The following CNOT4 variants were observed in gnomAD, a reference collection of about 807,000 sequenced individuals.
CNOT4 encodes the protein CCR4-associated factor 4.
CNOT4 carries 8 observed loss-of-function variants against 73.8 expected under a neutral mutation model. The ratio of observed to expected loss-of-function variants is 0.11; its 90% CI spans 0.06 to 0.20. The LOEUF is 0.20. Ranked by LOEUF, CNOT4 falls within the 10% of genes least tolerant of loss-of-function variation. The probability of loss-of-function intolerance (pLI) is 1.00; values close to 1 mark genes in which losing one functional copy is unlikely to be tolerated. For missense variants in CNOT4, 564 were observed against 883.4 expected (o/e 0.64, Z 4.58); for synonymous variants, 293 against 321.1 (o/e 0.91, Z 0.94).
intron 1 of CNOT4, among the ~76,000 whole-genome samples, chr7:135,464,767 AAAT>A (rs1334588253): frequency 2.0e-5 from 3 of 151,814 alleles, no homozygotes; most frequent in Admixed American, 6.6e-5. Context: ...TAAAAATAAA[AAAT>A]AAAATAATTT....
intron 1 of CNOT4, among the ~76,000 whole-genome samples, chr7:135,466,120 G>A (rs1187629771): frequency 6.6e-6 from 1 of 151,564 alleles, no homozygotes; most frequent in Non-Finnish European, 1.5e-5. Flanking sequence ...AGAAAAATTT[G>A]TAAATATGTA....
intron 3 of CNOT4, among the ~76,000 whole-genome samples, chr7:135,416,040 T>C (rs1797855924): frequency 6.6e-6 from 1 of 152,274 alleles, no homozygotes; most frequent in Non-Finnish European, 1.5e-5. Flanking sequence ...TTGACCGGTA[T>C]GTAACTTGAT....
rs1585699048 is a variant in CNOT4 at position 135,472,524 on chromosome 7, T to A, written c.-92-34101A>T. 2.9e-4 allele frequency among the ~76,000 whole-genome samples: 8 copies of A among 28,064 alleles called. 1 individual carries two copies. Among genetic ancestry groups the A allele is most frequent in the African/African-American group, 1.1e-3 (5 of 4,586 alleles). 18.4% of individuals were successfully genotyped at this position (28,064 alleles called of 152,430 possible). A position where few individuals can be genotyped will look rare whatever the true frequency, so the allele number is the denominator to read the frequency against. ...AAAAAAAAAAAAAAAAATATATATA[T>A]ATATATATATATATATATATATATA... On this transcript the variant is annotated intron_variant, in intron 1 of 11. Transcript: ENST00000541284.
Position 135,431,020 on chromosome 7 carries a change from T to C in CNOT4, c.174+7138A>G, listed in dbSNP as rs77106965. Among the ~76,000 whole-genome samples, 341 of 152,236 alleles carry C rather than the reference T, an allele frequency of 2.2e-3. 12 individuals carry two copies. The East Asian group carries it at 0.054, about 24-fold the overall frequency. ...GACTCATGCCTATAATCCCAGCATT[T>C]TGGAGGGGACTGAGGTGGAAGGATG... On this transcript the variant is annotated intron_variant, in intron 2 of 11. Transcript: ENST00000541284.
intron 8 of CNOT4, among the ~76,000 whole-genome samples, chr7:135,397,566 T>C (rs924226138): frequency 1.3e-5 from 2 of 148,782 alleles, no homozygotes; most frequent in African/African-American, 2.5e-5. Flanking sequence ...ATTTTACCAA[T>C]GTAAGAAGAT....
chr7:135,384,568 A>C, intron 10 of CNOT4: 1 of 703,924 alleles, frequency 1.4e-6, no homozygotes, highest in Non-Finnish European at 2.6e-6. Context: ...TACAGGCGTG[A>C]GCCACCGCGC....
At chr7:135,463,840 A>G (rs1426613575) in intron 1 of CNOT4, among the ~76,000 whole-genome samples, 1 of 152,040 alleles carries the variant, frequency 6.6e-6, no homozygotes, top group Non-Finnish European at 1.5e-5. Flanking sequence ...TACAAGAGAA[A>G]AACAAACAAT....
intron 9 of CNOT4, 131 bp from the exon 10 acceptor site, chr7:135,394,546 T>C: frequency 1.4e-6 from 1 of 727,244 alleles, no homozygotes; most frequent in Non-Finnish European, 2.3e-6. Flanking sequence ...TGTGACTTCT[T>C]AGCACATTAA....
chr7:135,403,557 C>T lies in CNOT4; in HGVS notation c.822-5331G>A, dbSNP rs576273664. On this transcript the variant is annotated intron_variant, in intron 7 of 11. Transcript: ENST00000541284. ...TCACTTGAGCTCGGGAATTAGAGGA[C>T]AGCCTGGGCAACACAGCAAGATCCT... Among the ~76,000 whole-genome samples the T allele has an allele frequency of 3.7e-3, 562 of 152,090 alleles. 6 individuals carry two copies. Among genetic ancestry groups the T allele is most frequent in the African/African-American group, 0.013 (533 of 41,498 alleles).
intron 3 of CNOT4, among the ~76,000 whole-genome samples, chr7:135,420,887 G>T (rs1446338546): frequency 1.3e-5 from 2 of 151,882 alleles, no homozygotes; most frequent in African/African-American, 4.8e-5. Context: ...CACCTAAAAT[G>T]AGCTCTTTGC....
chr7:135,446,043 A>G (rs1248779007), intron 1 of CNOT4, among the ~76,000 whole-genome samples: 2 of 152,132 alleles, frequency 1.3e-5, no homozygotes, highest in African/African-American at 4.8e-5. Flanking sequence ...CACCACACCC[A>G]GCTAATTTTT....
At chr7:135,461,781 G>T (rs377729017) in intron 1 of CNOT4, among the ~76,000 whole-genome samples, 1 of 152,006 alleles carries the variant, frequency 6.6e-6, no homozygotes, top group Non-Finnish European at 1.5e-5. Context: ...GCAGTAAGCC[G>T]AGATCGCACC....
chr7:135,451,269 C>A (rs1035762800), intron 1 of CNOT4, among the ~76,000 whole-genome samples: 2 of 152,108 alleles, frequency 1.3e-5, no homozygotes, highest in Non-Finnish European at 2.9e-5. Flanking sequence ...AAACTAATTG[C>A]AGGTACTGTA....
chr7:135,409,973 T>C (rs1170158638), intron 7 of CNOT4, among the ~76,000 whole-genome samples: 1 of 152,062 alleles, frequency 6.6e-6, no homozygotes, highest in Non-Finnish European at 1.5e-5. Flanking sequence ...CCCAAAACCA[T>C]AATGAGATGG....
intron 5 of CNOT4, among the ~76,000 whole-genome samples, chr7:135,413,972 A>G (rs975096694): frequency 2.6e-5 from 4 of 152,076 alleles, no homozygotes; most frequent in African/African-American, 9.7e-5. Flanking sequence ...TTCCACTAAC[A>G]GTAAAGCTTT....
chr7:135,362,679 T>C lies in CNOT4; in HGVS notation c.*206A>G, dbSNP rs1445388694. ...ACATTCAACAGTGTCACTCAAATGC[T>C]GGATCAACAAAAATTTTTACAATTA... On this transcript the variant is annotated 3_prime_UTR_variant, in exon 12 of 12. Transcript: ENST00000541284. The C allele has an allele frequency of 5.6e-6, 4 of 710,188 alleles. No individual in the cohort carries two copies. Among genetic ancestry groups the C allele is most frequent in the Non-Finnish European group, 1.0e-5 (4 of 390,402 alleles). 44.0% of individuals were successfully genotyped at this position (710,188 alleles called of 1,614,324 possible). A position where few individuals can be genotyped will look rare whatever the true frequency, so the allele number is the denominator to read the frequency against.
chr7:135,414,670 C>T (rs77263000), intron 4 of CNOT4, among the ~76,000 whole-genome samples: 11,779 of 151,964 alleles, frequency 0.078, 523 homozygotes, highest in Middle Eastern at 0.13. Context: ...TAAAATATTA[C>T]TTTGGCTTGG....
chr7:135,407,964 A>G (rs1194558081), intron 7 of CNOT4, among the ~76,000 whole-genome samples: 1 of 152,252 alleles, frequency 6.6e-6, no homozygotes, highest in Non-Finnish European at 1.5e-5. Context: ...CAAATAAAAC[A>G]TGGGAAACAT....
At chr7:135,472,144 G>T (rs1350422689) in intron 1 of CNOT4, among the ~76,000 whole-genome samples, 4 of 151,500 alleles carry the variant, frequency 2.6e-5, no homozygotes, top group African/African-American at 9.7e-5. Flanking sequence ...CTGTACTCCA[G>T]CGTGGGCCAC....
Sources: gnomAD v4.1 joint callset for allele counts (sites outside exome capture counted in the v4.1 genomes callset) on GRCh38, gnomAD v4.1.1 for gene constraint, MANE v1.5 for transcripts, NCBI Gene and HGNC (gene_info 2026-07-23, HGNC 2026-07-21) for gene names.